PHF13: variants seen among roughly 807,000 people sequenced by gnomAD.
The protein encoded by PHF13 is PHD zinc finger protein PHF5.
In PHF13, 1 loss-of-function variant was observed where a neutral mutation model predicts 25.8. That is an observed-to-expected ratio of 0.04 (90% CI 0.01 to 0.18). PHF13 has a LOEUF of 0.18. PHF13 is among the 10% of genes least tolerant of loss of function. PHF13 has a pLI of 1.00. For missense variants in PHF13, 306 were observed against 403.2 expected, an observed-to-expected ratio of 0.76 and a Z score of 2.06; for synonymous variants, 195 against 162.4, an observed-to-expected ratio of 1.20 and a Z score of -1.53.
rs1260934744 is a variant in PHF13, at chr1:6,623,363, T to C, written c.*1726T>C. Reference sequence around the variant, plus strand: ...AAGGGGGAGGTTCGGTAGAGAAAAATAGTAAGCTGGTTTAGAAACTGACGA... The same window carrying C: ...AAGGGGGAGGTTCGGTAGAGAAAAACAGTAAGCTGGTTTAGAAACTGACGA... On this transcript the variant is annotated 3_prime_UTR_variant, in exon 4 of 4. Transcript: ENST00000377648. The C allele has an allele frequency of 6.6e-6, 1 of 152,542 alleles. No homozygotes were observed. The allele number at this position is 152,542 out of a possible 1,614,324, so 9.4% of individuals were successfully genotyped here.
At chr1:6,618,441 ATTTT>A (rs745447765) in intron 2 of PHF13, among the ~76,000 whole-genome samples, 8 of 151,926 alleles carry the variant, frequency 5.3e-5, no homozygotes, top group Non-Finnish European at 1.2e-4. Flanking sequence ...CCGTAATTTT[ATTTT>A]TTGTAGAGAC....
chr1:6,619,158 G>T (rs1641303522), intron 2 of PHF13, among the ~76,000 whole-genome samples: 1 of 152,148 alleles, frequency 6.6e-6, no homozygotes, highest in African/African-American at 2.4e-5. Context: ...ATATCTCTTG[G>T]GAGGGCAAAT....
At position 6,621,705 on chromosome 1, in the gene PHF13, T is replaced by C. The variant is rs1641342730; in HGVS notation, c.*68T>C. 2.7e-6 allele frequency: 4 copies of C among 1,491,040 alleles called. No homozygotes were observed. Among genetic ancestry groups the C allele is most frequent in the Non-Finnish European group, 2.8e-6 (3 of 1,078,984 alleles). The allele number at this position is 1,491,040 out of a possible 1,614,324, so 92.4% of individuals were successfully genotyped here. ...ACCGCGGGCTTTTTTGCCCTTCTCT[T>C]AGTTGAGCACAGAACCCTCAGCTCT... On this transcript the variant is annotated 3_prime_UTR_variant, in exon 4 of 4. Transcript: ENST00000377648. The surrounding 1 kb of genome is among the most constrained non-coding windows in gnomAD (Gnocchi z 4.8).
chr1:6,614,758 C>T (rs1641231282), intron 1 of PHF13, among the ~76,000 whole-genome samples: 1 of 151,200 alleles, frequency 6.6e-6, no homozygotes, highest in African/African-American at 2.4e-5. Context: ...CCGCCCCCCG[C>T]CCGCGGGCTT....
At chr1:6,615,314 G>A (rs1292948447) in intron 1 of PHF13, among the ~76,000 whole-genome samples, 1 of 152,246 alleles carries the variant, frequency 6.6e-6, no homozygotes, top group Non-Finnish European at 1.5e-5. Context: ...AGGCCCGGGT[G>A]GCGGCCCGCG....
In PHF13 at chr1:6,617,232, G is replaced by A. The variant is rs147490853; in HGVS notation, c.141+374G>A. On this transcript the variant is annotated intron_variant, in intron 2 of 3. Coordinates refer to ENST00000377648, the MANE Select transcript of PHF13 (RefSeq NM_153812.3). ...CTCCTCAGTAGTTGGGATGACAGGC[G>A]TGCGCCACCACGCTAATTCTTTTTT... Among the ~76,000 whole-genome samples, 79 of 151,604 alleles carry A rather than the reference G, an allele frequency of 5.2e-4. 1 individual carries two copies. Among genetic ancestry groups the A allele is most frequent in the African/African-American group, 1.4e-3 (59 of 41,280 alleles).
intron 3 of PHF13, 87 bp downstream of exon 3, chr1:6,620,424 C>T (rs929078345): frequency 2.8e-6 from 4 of 1,450,998 alleles, no homozygotes; most frequent in Middle Eastern, 1.8e-4. Context: ...CTCTGGGGCA[C>T]AGGGTCTGGT....
At position 6,619,902 on chromosome 1, in the gene PHF13, G is replaced by T; in HGVS notation, c.241G>T (p.Val81Leu). The T allele has an allele frequency of 6.2e-7, 1 of 1,614,014 alleles. No individual in the cohort carries two copies. The highest frequency in any genetic ancestry group is 8.5e-7 in the Non-Finnish European group (1 of 1,180,032). The change falls in exon 3 of 4, where the codon GTG (valine) becomes TTG (leucine). Residue 81 changes from valine (V) to leucine (L), a missense_variant. This residue lies in a region of PHF13 where 186 missense variants were observed against 164.0 expected (regional missense o/e 1.13). Coordinates refer to ENST00000377648, the MANE Select transcript of PHF13 (RefSeq NM_153812.3). The stretch of plus-strand genomic sequence containing the variant: ...GGGTTTCTCAGACATCGCGTCCTCA[G>T]TGCCCTTGCCAGTCTCTGACCGCTG... ...DAGFSDIASSVPLPVSDRCFS... is the reference protein window; with the variant it reads ...DAGFSDIASSLPLPVSDRCFS...
chr1:6,618,672 C>T (rs942076263), intron 2 of PHF13, among the ~76,000 whole-genome samples: 1 of 152,080 alleles, frequency 6.6e-6, no homozygotes, highest in Non-Finnish European at 1.5e-5. Context: ...GAGACGGAGT[C>T]TTGCTCTGTG....
At position 6,616,871 on chromosome 1, in the gene PHF13, G is replaced by A. The variant is rs1344491191; in HGVS notation, c.141+13G>A. The A allele has an allele frequency of 6.2e-7, 1 of 1,608,842 alleles. No homozygotes were observed. Among genetic ancestry groups the A allele is most frequent in the Admixed American group, 1.7e-5 (1 of 59,996 alleles). The stretch of plus-strand genomic sequence containing the variant: ...TTATCCGAAGGAGGTAATCTTCTGA[G>A]TTTCTGAGACCTTTCTTGATGAGTA... On this transcript the variant is annotated intron_variant, in intron 2 of 3. Coordinates refer to ENST00000377648, the MANE Select transcript of PHF13 (RefSeq NM_153812.3).
rs1641388520 is a variant in PHF13, at chr1:6,623,841, C to G, written c.*2204C>G. On this transcript the variant is annotated 3_prime_UTR_variant, in exon 4 of 4. Transcript: ENST00000377648. ...AGTGAGGGGAGGGAGGGATGTCACC[C>G]CAAAAGTAGGCCCTCCCATTGGCTT... 1 of 152,564 alleles carries G rather than the reference C, an allele frequency of 6.6e-6. No individual in the cohort carries two copies. Among genetic ancestry groups the G allele is most frequent in the Non-Finnish European group, 1.5e-5 (1 of 68,030 alleles). The allele number at this position is 152,564 out of a possible 1,614,324, so 9.5% of individuals were successfully genotyped here.
rs1457623459 is a variant in PHF13 at position 6,623,048 on chromosome 1, C to T, written c.*1411C>T. Reference sequence around the variant, plus strand: ...TTTAAGGCATGGAAAGGGAAGAATGCTCAAGCAAGTCATGTTTGTTTTCAG... The same window carrying T: ...TTTAAGGCATGGAAAGGGAAGAATGTTCAAGCAAGTCATGTTTGTTTTCAG... On this transcript the variant is annotated 3_prime_UTR_variant, in exon 4 of 4. Coordinates refer to ENST00000377648, the MANE Select transcript of PHF13 (RefSeq NM_153812.3). The T allele has an allele frequency of 1.3e-5, 2 of 152,276 alleles. No homozygotes were observed. Among genetic ancestry groups the T allele is most frequent in the Non-Finnish European group, 2.9e-5 (2 of 68,062 alleles). 9.4% of individuals were successfully genotyped at this position (152,276 alleles called of 1,614,324 possible).
intron 2 of PHF13, among the ~76,000 whole-genome samples, chr1:6,618,609 T>C (rs1000626728): frequency 3.3e-5 from 5 of 152,210 alleles, no homozygotes; most frequent in Non-Finnish European, 5.9e-5. Flanking sequence ...TATTTCCATC[T>C]GCTACATAGG....
Position 6,620,235 on chromosome 1 carries a change from A to T in PHF13, c.574A>T (p.Ile192Leu). The T allele has an allele frequency of 1.9e-6, 3 of 1,614,036 alleles. No homozygotes were observed. The highest frequency in any genetic ancestry group is 2.5e-6 in the Non-Finnish European group (3 of 1,180,030). Residue 192 changes from isoleucine (I) to leucine (L), a missense_variant, in exon 3 of 4, where the codon ATA (isoleucine) becomes TTA (leucine). By Grantham distance (5) the Ile-to-Leu change is conservative. Around this residue, in one of 5 missense-constraint regions of PHF13, gnomAD observed 186 missense variants for 164.0 expected, o/e 1.13. Transcript: ENST00000377648. ...TGTGTCACCTGATCAGGTCAAAGAA[A>T]TAAAAACTGAAGGCAAACGGACTAT... is the stretch of plus-strand genomic sequence containing the variant. ...ATVSPDQVKEIKTEGKRTIVR... is the reference protein window; with the variant it reads ...ATVSPDQVKELKTEGKRTIVR...
chr1:6,622,350 T>A lies in PHF13; in HGVS notation c.*713T>A, dbSNP rs1189366039. 6.5e-6 allele frequency: 1 copy of A among 154,216 alleles called. No homozygotes were observed. Among genetic ancestry groups the A allele is most frequent in the African/African-American group, 2.4e-5 (1 of 41,450 alleles). The allele number at this position is 154,216 out of a possible 1,614,324, so 9.6% of individuals were successfully genotyped here. ...CGTGTTCATAACTCAGTTTCCTGTTTTGCACGATGTAAAAACCCTGTCTTT... is the reference window on the plus strand; with the variant it reads ...CGTGTTCATAACTCAGTTTCCTGTTATGCACGATGTAAAAACCCTGTCTTT... On this transcript the variant is annotated 3_prime_UTR_variant, in exon 4 of 4. Coordinates refer to ENST00000377648, the MANE Select transcript of PHF13 (RefSeq NM_153812.3).
At chr1:6,618,282 A>G (rs1416643936) in intron 2 of PHF13, among the ~76,000 whole-genome samples, 1 of 152,026 alleles carries the variant, frequency 6.6e-6, no homozygotes, top group Non-Finnish European at 1.5e-5. Context: ...CTACAGGCCC[A>G]CCACCACACC....
intron 2 of PHF13, among the ~76,000 whole-genome samples, chr1:6,617,610 C>T (rs953121011): frequency 6.6e-6 from 1 of 150,898 alleles, no homozygotes; most frequent in East Asian, 2.0e-4. Flanking sequence ...TGTATTTTTA[C>T]TAGAGACGGG....
In PHF13 at chr1:6,623,934, C is replaced by A. The variant is rs575741689; in HGVS notation, c.*2297C>A. ...AATTTTAAAGTTTATGTGTATAAAG[C>A]GAAGCTGTTTCTGTGAAACTGTATA... On this transcript the variant is annotated 3_prime_UTR_variant, in exon 4 of 4. Transcript: ENST00000377648. 1 of 152,604 alleles carries A rather than the reference C, an allele frequency of 6.6e-6. No individual in the cohort carries two copies. Among genetic ancestry groups the A allele is most frequent in the African/African-American group, 2.4e-5 (1 of 41,434 alleles). 9.5% of individuals were successfully genotyped at this position (152,604 alleles called of 1,614,324 possible).
rs1385820022 is a variant in PHF13 at position 6,619,859 on chromosome 1, C to T, written c.198C>T (p.Asp66=). The change falls in exon 3 of 4, where the codon GAC becomes GAT. Residue 66 remains aspartate, a synonymous_variant. Transcript: ENST00000377648. The part of the protein sequence containing the change: ...SPANSTAGTI[D]SDGWDAGFSD... Reference sequence around the variant, plus strand: ...CTAACAGCACTGCTGGTACCATTGACAGCGACGGCTGGGACGCGGGTTTCT... The same window carrying T: ...CTAACAGCACTGCTGGTACCATTGATAGCGACGGCTGGGACGCGGGTTTCT... 15 of 1,613,604 alleles carry T rather than the reference C, an allele frequency of 9.3e-6. No individual in the cohort carries two copies. The highest frequency in any genetic ancestry group is 1.3e-5 in the Non-Finnish European group (15 of 1,179,982).
Sources: allele counts gnomAD v4.1 joint callset (sites outside exome capture counted in the v4.1 genomes callset), GRCh38; gene constraint gnomAD v4.1.1; regional missense constraint gnomAD v4.1.1; non-coding constraint Gnocchi (gnomAD v3.1); transcripts MANE v1.5; gene names NCBI Gene and HGNC (gene_info 2026-07-23, HGNC 2026-07-21).